Variants in DLGAP2 observed in about 807,000 individuals in gnomAD.
The protein encoded by DLGAP2 is disks large-associated protein 2.
A neutral mutation model predicts 100.3 loss-of-function variants in DLGAP2; 26 were observed. That is an observed-to-expected ratio of 0.26 (90% CI 0.19 to 0.36). The LOEUF is 0.36. DLGAP2 is among the 10% of genes least tolerant of loss of function. The probability of loss-of-function intolerance (pLI) is 1.00; values close to 1 mark genes in which losing one functional copy is unlikely to be tolerated. For synonymous variants in DLGAP2, 886 were observed against 630.1 expected, an observed-to-expected ratio of 1.41 and a Z score of -6.08; for missense variants, 1,858 against 1,453.2, an observed-to-expected ratio of 1.28 and a Z score of -4.53.
intron 2 of DLGAP2, among the ~76,000 whole-genome samples, chr8:1,116,309 G>A (rs558234746): frequency 2.0e-5 from 3 of 152,230 alleles, no homozygotes; most frequent in Non-Finnish European, 2.9e-5. Flanking sequence ...AGCACCAGCT[G>A]TGTCTCAGCC....
intron 13 of DLGAP2, among the ~76,000 whole-genome samples, chr8:1,692,477 A>AAC (rs533186649): frequency 5.3e-5 from 8 of 149,634 alleles, no homozygotes; most frequent in Admixed American, 2.0e-4. Context: ...CCCTGGTTTA[A>AAC]GCAGTACCGA....
chr8:1,342,757 G>T (rs1033826289), intron 3 of DLGAP2, among the ~76,000 whole-genome samples: 1 of 152,212 alleles, frequency 6.6e-6, no homozygotes, highest in African/African-American at 2.4e-5. Flanking sequence ...CTTGTGAAAT[G>T]CGGTGTGTGT....
intron 3 of DLGAP2, among the ~76,000 whole-genome samples, chr8:1,283,345 A>T (rs1389163058): frequency 2.6e-5 from 4 of 152,240 alleles, no homozygotes; most frequent in African/African-American, 9.6e-5. Context: ...AGCGCCCTGG[A>T]TCTGTCCCTC....
intron 2 of DLGAP2, among the ~76,000 whole-genome samples, chr8:1,010,253 T>C (rs966107970): frequency 2.0e-5 from 3 of 151,482 alleles, no homozygotes; most frequent in African/African-American, 7.3e-5. Context: ...TGCCCACATA[T>C]GCGCACACAT....
At chr8:1,282,711 C>G (rs1799841458) in intron 3 of DLGAP2, among the ~76,000 whole-genome samples, 1 of 138,790 alleles carries the variant, frequency 7.2e-6, no homozygotes. Context: ...GTGGTGTGAC[C>G]TGAACCCAGC....
rs145313434 is a variant in DLGAP2 at position 1,650,495 on chromosome 8, C to T, written c.1810+17449C>T. On this transcript the variant is annotated intron_variant, in intron 8 of 14. Transcript: ENST00000637795. Reference sequence around the variant, plus strand: ...CGCTTATTCTGTGTGTGCGATAAAACGGAGGTTTTATCTGTGAGGGTATTC... The same window carrying T: ...CGCTTATTCTGTGTGTGCGATAAAATGGAGGTTTTATCTGTGAGGGTATTC... Among the ~76,000 whole-genome samples, 136 of 152,324 alleles carry T rather than the reference C, an allele frequency of 8.9e-4. 2 individuals are homozygous for T. The South Asian group carries it at 0.01, about 11-fold the overall frequency.
Position 1,678,434 on chromosome 8 carries a change from G to A in DLGAP2, c.2509G>A (p.Val837Met). ...FSYREDYRTQ[V>M]DTSTLPPPDP... The stretch of plus-strand genomic sequence containing the variant: ...CTATAGAGAAGACTATCGGACCCAA[G>A]TGGACACCTCCACCCTGCCCCCTCC... The change falls in exon 12 of 15, where the codon GTG (valine) becomes ATG (methionine). Residue 837 changes from valine (V) to methionine (M), a missense_variant. Physicochemically the swap from Val to Met is conservative, Grantham distance 21. Transcript: ENST00000637795. 1 of 1,613,644 alleles carries A rather than the reference G, an allele frequency of 6.2e-7. No individual in the cohort carries two copies. The highest frequency in any genetic ancestry group is 1.3e-5 in the African/African-American group (1 of 75,016).
chr8:912,475 T>G (rs926683557), intron 2 of DLGAP2, among the ~76,000 whole-genome samples: 20 of 152,142 alleles, frequency 1.3e-4, no homozygotes, highest in African/African-American at 3.9e-4. Flanking sequence ...AGAGGGTGGG[T>G]GGGGAGGCCT....
chr8:1,538,831 C>G (rs894735781), intron 4 of DLGAP2, among the ~76,000 whole-genome samples: 1 of 152,028 alleles, frequency 6.6e-6, no homozygotes, highest in African/African-American at 2.4e-5. Flanking sequence ...GCACAGCACC[C>G]TCAGATCCCC....
chr8:1,071,026 C>T (rs960221573), intron 2 of DLGAP2, among the ~76,000 whole-genome samples: 2 of 152,168 alleles, frequency 1.3e-5, no homozygotes, highest in East Asian at 1.9e-4. Flanking sequence ...TGAGATTCAG[C>T]GCCGGCACCT....
intron 3 of DLGAP2, among the ~76,000 whole-genome samples, chr8:1,274,023 A>G (rs1341131414): frequency 6.6e-6 from 1 of 152,184 alleles, no homozygotes; most frequent in African/African-American, 2.4e-5. Context: ...AGTCTTGTCA[A>G]TTTAAATAAA....
At chr8:1,494,773 C>T (rs1563182091) in intron 3 of DLGAP2, among the ~76,000 whole-genome samples, 1 of 152,044 alleles carries the variant, frequency 6.6e-6, no homozygotes, top group Non-Finnish European at 1.5e-5. Flanking sequence ...CCACTCAATG[C>T]AGCCTCCCCC....
chr8:1,650,125 C>G (rs970935342), intron 8 of DLGAP2, among the ~76,000 whole-genome samples: 1 of 152,144 alleles, frequency 6.6e-6, no homozygotes, highest in African/African-American at 2.4e-5. Flanking sequence ...TTTCTTGTAT[C>G]CATTTATTGG....
chr8:1,270,786 A>C (rs992202004), intron 3 of DLGAP2, among the ~76,000 whole-genome samples: 7 of 131,534 alleles, frequency 5.3e-5, no homozygotes, highest in African/African-American at 1.7e-4. Flanking sequence ...GTGTGTGTCT[A>C]CCTCTCTCTG....
At chr8:1,331,439 T>C (rs1801155863) in intron 3 of DLGAP2, among the ~76,000 whole-genome samples, 1 of 152,110 alleles carries the variant, frequency 6.6e-6, no homozygotes, top group South Asian at 2.1e-4. Flanking sequence ...AAACCTGCCC[T>C]CCTTCCAGGC....
chr8:1,549,648 G>T lies in DLGAP2; in HGVS notation c.1195G>T (p.Ala399Ser). 2 of 1,572,948 alleles carry T rather than the reference G, an allele frequency of 1.3e-6. No individual in the cohort carries two copies. The highest frequency in any genetic ancestry group is 2.4e-5 in the East Asian group (1 of 42,098). ...NLDKPLLHQD[A>S]KPALRPCHYL... ...GGACAAGCCGCTGCTGCACCAGGACGCCAAGCCCGCCCTGAGGCCGTGCCA... is the reference window on the plus strand; with the variant it reads ...GGACAAGCCGCTGCTGCACCAGGACTCCAAGCCCGCCCTGAGGCCGTGCCA... The change falls in exon 5 of 15, where the codon GCC becomes TCC. Residue 399 changes from alanine to serine, a missense_variant. Ala to Ser is a moderately conservative substitution (Grantham distance 99). Transcript: ENST00000637795.
chr8:1,698,938 A>G (rs1235812424), intron 14 of DLGAP2, among the ~76,000 whole-genome samples: 5 of 140,832 alleles, frequency 3.6e-5, no homozygotes, highest in African/African-American at 1.1e-4. Context: ...GCAGGTCTGC[A>G]TAAGCCATGC....
chr8:1,632,218 C>G (rs534029333), intron 7 of DLGAP2, among the ~76,000 whole-genome samples: 1 of 152,120 alleles, frequency 6.6e-6, no homozygotes, highest in African/African-American at 2.4e-5. Context: ...TTCATGTGGA[C>G]GAAAACACCA....
chr8:1,196,169 A>G (rs1331910438), intron 2 of DLGAP2, among the ~76,000 whole-genome samples: 7 of 152,222 alleles, frequency 4.6e-5, no homozygotes, highest in African/African-American at 1.7e-4. Context: ...CTCACCTGTT[A>G]AAGACCCTAC....
Sources: gnomAD v4.1 joint callset for allele counts (sites outside exome capture counted in the v4.1 genomes callset) on GRCh38, gnomAD v4.1.1 for gene constraint, MANE v1.5 for transcripts, NCBI Gene and HGNC (gene_info 2026-07-23, HGNC 2026-07-21) for gene names.